FARP1: variants seen among roughly 807,000 people sequenced by gnomAD.
FARP1 encodes the protein FERM, ARHGEF and pleckstrin domain-containing protein 1.
Under a neutral mutation model 128.8 loss-of-function variants are expected in FARP1, and 52 were observed. The ratio of observed to expected loss-of-function variants is 0.40; its 90% CI spans 0.32 to 0.51. FARP1 has a LOEUF of 0.51. Ranked by LOEUF, FARP1 falls within the 20% of genes least tolerant of loss-of-function variation. The probability of loss-of-function intolerance (pLI) is 0.45; values close to 1 mark genes in which losing one functional copy is unlikely to be tolerated. For synonymous variants in FARP1, 580 were observed against 551.8 expected (o/e 1.05, Z -0.72); for missense variants, 1,333 against 1,367.9 (o/e 0.97, Z 0.40).
At chr13:98,376,951 T>G (rs1018365658) in intron 5 of FARP1, among the ~76,000 whole-genome samples, 1 of 152,140 alleles carries the variant, frequency 6.6e-6, no homozygotes, top group African/African-American at 2.4e-5. Flanking sequence ...GTCTTTGATT[T>G]GCAAATGTAT....
At chr13:98,332,193 A>T (rs1887538300) in intron 2 of FARP1, among the ~76,000 whole-genome samples, 1 of 151,954 alleles carries the variant, frequency 6.6e-6, no homozygotes, top group Admixed American at 6.6e-5. Context: ...CATCTTCCCA[A>T]ACTGAAACTC....
chr13:98,266,748 G>A (rs1407052536), intron 2 of FARP1, among the ~76,000 whole-genome samples: 6 of 151,986 alleles, frequency 3.9e-5, no homozygotes, highest in Admixed American at 6.6e-5. Context: ...GTGGTGGCTC[G>A]CACCTATAAT....
chr13:98,303,622 C>T (rs541846880), intron 2 of FARP1, among the ~76,000 whole-genome samples: 1 of 152,138 alleles, frequency 6.6e-6, no homozygotes. Flanking sequence ...CCAGAGTCCC[C>T]GTTGTCGTCT....
chr13:98,366,673 A>G (rs1889099148), intron 4 of FARP1, among the ~76,000 whole-genome samples: 1 of 152,242 alleles, frequency 6.6e-6, no homozygotes. Context: ...ATTGAGTGCT[A>G]GCATCTTCCT....
In FARP1 at chr13:98,176,127, G is replaced by GCTT. The variant is rs1877999396; in HGVS notation, c.-24+32638_-24+32640dup. 1 of 1,576,676 alleles carries GCTT rather than the reference G, an allele frequency of 6.3e-7. No homozygotes were observed. Among genetic ancestry groups the GCTT allele is most frequent in the South Asian group, 1.1e-5 (1 of 88,796 alleles). On this transcript the variant is annotated intron_variant, in intron 1 of 26. Coordinates refer to ENST00000319562, the MANE Select transcript of FARP1 (RefSeq NM_005766.4). The surrounding 1 kb of genome is among the most constrained non-coding windows in gnomAD (Gnocchi z 6.2). Reference sequence around the variant, plus strand: ...TCTCTCTCATCTTACTCAACAGGCTGCTTCTCCCCAGTGTACATACAGACT... The same window carrying GCTT: ...TCTCTCTCATCTTACTCAACAGGCTGCTTCTTCTCCCCAGTGTACATACAGACT...
At chr13:98,272,872 C>T (rs1281898080) in intron 2 of FARP1, among the ~76,000 whole-genome samples, 2 of 152,060 alleles carry the variant, frequency 1.3e-5, no homozygotes, top group Non-Finnish European at 2.9e-5. Flanking sequence ...AATGGGCACC[C>T]AAAACAAGTA....
chr13:98,441,174 C>A (rs1271498604), intron 24 of FARP1, among the ~76,000 whole-genome samples: 1 of 152,210 alleles, frequency 6.6e-6, no homozygotes, highest in East Asian at 1.9e-4. Flanking sequence ...GCCCAGGGCA[C>A]AGCTGCTGGA....
upstream of FARP1, chr13:98,142,804 TTCGCGTCTCGCCAGTGGCGC>T (rs1356837092): frequency 6.6e-6 from 1 of 152,216 alleles, no homozygotes; most frequent in Non-Finnish European, 1.5e-5. Context: ...AGCTGCTGGA[TTCGCGTCTCGCCAGTGGCGC>T]TCCCCGCGCT....
At chr13:98,214,821 GGA>G (rs1422655099) in intron 2 of FARP1, among the ~76,000 whole-genome samples, 1 of 152,152 alleles carries the variant, frequency 6.6e-6, no homozygotes, top group East Asian at 1.9e-4. Flanking sequence ...AGACTGTTGA[GGA>G]GAGCCCCTGC....
chr13:98,443,907 G>A (rs543581070), intron 24 of FARP1, among the ~76,000 whole-genome samples: 162 of 152,380 alleles, frequency 1.1e-3, no homozygotes, highest in African/African-American at 3.7e-3. Context: ...TGAGGCCAGG[G>A]AGTGGCGGGC....
At chr13:98,411,811 T>C in intron 15 of FARP1, 90 bp from the exon 16 acceptor site, 1 of 1,398,514 alleles carries the variant, frequency 7.2e-7, no homozygotes, top group Non-Finnish European at 9.9e-7. Context: ...CTCCTCCCAG[T>C]GCATTTGGCT....
At chr13:98,437,344 C>T (rs1379918942) in intron 19 of FARP1, among the ~76,000 whole-genome samples, 4 of 152,116 alleles carry the variant, frequency 2.6e-5, no homozygotes, top group South Asian at 2.1e-4. Flanking sequence ...GTAATCGCTC[C>T]GTGTCGCAGG....
At chr13:98,263,064 C>T (rs1236886146) in intron 2 of FARP1, among the ~76,000 whole-genome samples, 2 of 151,826 alleles carry the variant, frequency 1.3e-5, no homozygotes, top group African/African-American at 2.4e-5. Flanking sequence ...GCTGGAGTGC[C>T]GTCGCGCAAT....
chr13:98,297,784 C>T (rs1167399208), intron 2 of FARP1, among the ~76,000 whole-genome samples: 2 of 152,158 alleles, frequency 1.3e-5, no homozygotes, highest in Non-Finnish European at 2.9e-5. Flanking sequence ...ACCGCTTCAC[C>T]CCCACCAATA....
Position 98,440,581 on chromosome 13 carries a change from GC to G in FARP1, c.2630-83del. 5.1e-6 allele frequency: 7 copies of G among 1,382,824 alleles called. No homozygotes were observed. The Admixed American group carries it at 6.6e-5, about 13-fold the overall frequency. 85.7% of individuals were successfully genotyped at this position (1,382,824 alleles called of 1,614,324 possible). ...GCACCACAGGTTGTGACTGCTGTGAGCCCCCCAACCTTCCAGCACCTCAGAG... is the reference window on the plus strand; with the variant it reads ...GCACCACAGGTTGTGACTGCTGTGAGCCCCCAACCTTCCAGCACCTCAGAG... On this transcript the variant is annotated intron_variant, in intron 23 of 26. Coordinates refer to ENST00000319562, the MANE Select transcript of FARP1 (RefSeq NM_005766.4).
chr13:98,222,230 T>G (rs1420788492), intron 2 of FARP1, among the ~76,000 whole-genome samples: 2 of 152,178 alleles, frequency 1.3e-5, no homozygotes, highest in African/African-American at 4.8e-5. Flanking sequence ...AATGTGGTCT[T>G]GGAAACATGA....
At chr13:98,395,930 A>G in intron 13 of FARP1, 2 of 399,356 alleles carry the variant, frequency 5.0e-6, no homozygotes, top group Non-Finnish European at 8.8e-6. Context: ...TCTCAAGGCT[A>G]TGTTTCGGAA....
At position 98,319,552 on chromosome 13, in the gene FARP1, G is replaced by A. The variant is rs148443901; in HGVS notation, c.172-24210G>A. Among the ~76,000 whole-genome samples, 159 of 152,238 alleles carry A rather than the reference G, an allele frequency of 1.0e-3. 1 individual carries two copies. Among genetic ancestry groups the A allele is most frequent in the African/African-American group, 3.3e-3 (135 of 41,530 alleles). ...GGAGAATGGTGTGAACCCGGGAGGC[G>A]GAGGTTGCAGTGAGCTGAGATTGCG... On this transcript the variant is annotated intron_variant, in intron 2 of 26. Coordinates refer to ENST00000319562, the MANE Select transcript of FARP1 (RefSeq NM_005766.4).
Position 98,440,179 on chromosome 13 carries a change from C to G in FARP1, c.2573C>G (p.Ala858Gly). The change falls in exon 23 of 27, where the codon GCG (alanine) becomes GGG (glycine). Residue 858 changes from alanine (A) to glycine (G), a missense_variant. Around this residue, in one of 2 missense-constraint regions of FARP1, gnomAD observed 1,009 missense variants for 969.8 expected, o/e 1.04. Coordinates refer to ENST00000319562, the MANE Select transcript of FARP1 (RefSeq NM_005766.4). ...VEDIQMAIDL[A>G]EKSSSPAPEF... ...GACATCCAGATGGCCATTGACCTGG[C>G]GGAGAAGAGCAGCAGCCCCGCCCCT... 1 of 1,614,056 alleles carries G rather than the reference C, an allele frequency of 6.2e-7. No individual in the cohort carries two copies. The highest frequency in any genetic ancestry group is 2.2e-5 in the East Asian group (1 of 44,858).
Sources: allele counts gnomAD v4.1 joint callset (sites outside exome capture counted in the v4.1 genomes callset), GRCh38; gene constraint gnomAD v4.1.1; regional missense constraint gnomAD v4.1.1; non-coding constraint Gnocchi (gnomAD v3.1); transcripts MANE v1.5; gene names NCBI Gene and HGNC (gene_info 2026-07-23, HGNC 2026-07-21).